NCOA1: variants seen among roughly 807,000 people sequenced by gnomAD.
The protein encoded by NCOA1 is Hin-2 protein.
In NCOA1, 35 loss-of-function variants were observed where a neutral mutation model predicts 150.9. The observed-to-expected ratio is 0.23, with a 90% CI of 0.18 to 0.31. NCOA1 has a LOEUF of 0.31. Among genes scored for constraint, NCOA1 ranks in the 10% least tolerant of loss-of-function variants. NCOA1 has a pLI of 1.00. For synonymous variants in NCOA1, 590 were observed against 630.0 expected (o/e 0.94, Z 0.95); for missense variants, 1,491 against 1,749.3 (o/e 0.85, Z 2.63).
At chr2:24,561,047 G>A (rs1666274258) in intron 1 of NCOA1, among the ~76,000 whole-genome samples, 1 of 152,114 alleles carries the variant, frequency 6.6e-6, no homozygotes, top group African/African-American at 2.4e-5. Context: ...AGCTGTAAAA[G>A]CAATAAAGAA....
intron 15 of NCOA1, among the ~76,000 whole-genome samples, chr2:24,728,046 T>A (rs1662790515): frequency 6.6e-6 from 1 of 152,216 alleles, no homozygotes; most frequent in Non-Finnish European, 1.5e-5. Flanking sequence ...TTTGGTTAAT[T>A]TTCCAGGCTA....
chr2:24,740,588 G>A (rs1386543504), intron 18 of NCOA1, among the ~76,000 whole-genome samples: 3 of 152,204 alleles, frequency 2.0e-5, no homozygotes, highest in Admixed American at 6.5e-5. Flanking sequence ...TTACTAAAAT[G>A]TCTTATTGCT....
At chr2:24,610,124 C>CTTTTTTTTTTTTTTTT (rs775178797) in intron 3 of NCOA1, among the ~76,000 whole-genome samples, 2 of 90,212 alleles carry the variant, frequency 2.2e-5, no homozygotes, top group African/African-American at 8.6e-5. Context: ...AGGCTGCATT[C>CTTTTTTTTTTTTTTTT]TTTTTTTTTT....
chr2:24,709,486 T>A (rs1276469905), intron 13 of NCOA1, among the ~76,000 whole-genome samples: 1 of 152,242 alleles, frequency 6.6e-6, no homozygotes, highest in East Asian at 1.9e-4. Flanking sequence ...CCTAGTCTAG[T>A]CTCGTGACCA....
At chr2:24,698,802 T>A (rs1312033704) in intron 11 of NCOA1, among the ~76,000 whole-genome samples, 1 of 152,214 alleles carries the variant, frequency 6.6e-6, no homozygotes, top group Non-Finnish European at 1.5e-5. Context: ...TTCCTAAGTT[T>A]ACGGATGATT....
chr2:24,521,911 G>A (rs1042745450), intron 1 of NCOA1, among the ~76,000 whole-genome samples: 3 of 151,790 alleles, frequency 2.0e-5, no homozygotes, highest in Non-Finnish European at 2.9e-5. Flanking sequence ...TTTCTTTTTG[G>A]TAATTGCCAT....
rs369987098 is a variant in NCOA1 at position 24,756,071 on chromosome 2, T to TAAA, written c.3882-1881_3882-1879dup. Among the ~76,000 whole-genome samples, 9 of 108,188 alleles carry TAAA rather than the reference T, an allele frequency of 8.3e-5. 1 individual carries two copies. The highest frequency in any genetic ancestry group is 1.2e-4 in the African/African-American group (3 of 25,902). The allele number at this position is 108,188 out of a possible 152,430, so 71.0% of individuals were successfully genotyped here. On this transcript the variant is annotated intron_variant, in intron 20 of 22. Coordinates refer to ENST00000348332, the MANE Select transcript of NCOA1 (RefSeq NM_003743.5). ...CAACATGGCAAAACCCCATCTCTAC[T>TAAA]AAAAAAAAAAAAAAAAAAAAAAAGA...
intron 14 of NCOA1, among the ~76,000 whole-genome samples, chr2:24,719,915 G>GA (rs1365565209): frequency 6.6e-6 from 1 of 152,092 alleles, no homozygotes; most frequent in Non-Finnish European, 1.5e-5. Flanking sequence ...ATTAACTCCA[G>GA]AAAAAAGAAA....
intron 1 of NCOA1, among the ~76,000 whole-genome samples, chr2:24,497,220 C>T (rs1663257275): frequency 6.6e-6 from 1 of 151,772 alleles, no homozygotes. Context: ...CAATTGGCTT[C>T]TCTTCAAGCA....
At chr2:24,738,629 T>C (rs1406526705) in intron 17 of NCOA1, among the ~76,000 whole-genome samples, 1 of 152,204 alleles carries the variant, frequency 6.6e-6, no homozygotes, top group African/African-American at 2.4e-5. Flanking sequence ...AGTATATCCC[T>C]TCTTGGCGAT....
intron 3 of NCOA1, among the ~76,000 whole-genome samples, chr2:24,627,121 G>GTTTTTT (rs33949925): frequency 1.0e-4 from 12 of 115,156 alleles, no homozygotes; most frequent in African/African-American, 1.7e-4. Flanking sequence ...GTTTTTTGCT[G>GTTTTTT]TTTTTTTTTT....
intron 1 of NCOA1, among the ~76,000 whole-genome samples, chr2:24,535,424 T>C (rs1257332210): frequency 6.6e-6 from 1 of 152,234 alleles, no homozygotes; most frequent in Non-Finnish European, 1.5e-5. Context: ...CTGTGTCTTT[T>C]AATTGGGGCA....
chr2:24,667,206 G>T (rs1044176628), intron 6 of NCOA1, among the ~76,000 whole-genome samples: 3 of 152,132 alleles, frequency 2.0e-5, no homozygotes, highest in Non-Finnish European at 4.4e-5. Flanking sequence ...CTGTAAAACT[G>T]CAGAGAGGAG....
intron 7 of NCOA1, among the ~76,000 whole-genome samples, chr2:24,677,465 C>T (rs192474931): frequency 1.1e-4 from 16 of 152,172 alleles, no homozygotes; most frequent in Middle Eastern, 3.4e-3. Flanking sequence ...GGTCTGTCAC[C>T]CAGGCTGGAA....
At position 24,564,394 on chromosome 2, in the gene NCOA1, G is replaced by A. The variant is rs1464390053; in HGVS notation, c.-296G>A. On this transcript the variant is annotated 5_prime_UTR_variant, in exon 2 of 23. Transcript: ENST00000348332. Reference sequence around the variant, plus strand: ...GCAGTAGGCAACTTTGCTTCCAAAAGAAGTTACCAACATTTAGAATTTCTA... The same window carrying A: ...GCAGTAGGCAACTTTGCTTCCAAAAAAAGTTACCAACATTTAGAATTTCTA... 2.0e-5 allele frequency: 3 copies of A among 152,192 alleles called. No individual in the cohort carries two copies. Among genetic ancestry groups the A allele is most frequent in the East Asian group, 3.9e-4 (2 of 5,194 alleles). 9.4% of individuals were successfully genotyped at this position (152,192 alleles called of 1,614,324 possible). A position where few individuals can be genotyped will look rare whatever the true frequency, so the allele number is the denominator to read the frequency against.
rs907109443 is a variant in NCOA1, at chr2:24,729,541, A to G, written c.2927A>G (p.Gln976Arg). The G allele has an allele frequency of 8.1e-6, 13 of 1,614,020 alleles. No homozygotes were observed. Among genetic ancestry groups the G allele is most frequent in the Non-Finnish European group, 1.1e-5 (13 of 1,179,996 alleles). Residue 976 changes from glutamine to arginine, a missense_variant, in exon 17 of 23, where the codon CAA (glutamine) becomes CGA (arginine). Physicochemically the swap from Gln to Arg is conservative, Grantham distance 43. Around this residue, in one of 8 missense-constraint regions of NCOA1, gnomAD observed 485 missense variants for 522.8 expected, o/e 0.93. Transcript: ENST00000348332. ...LDVLSERFPPQQATPPLIMEE... is the reference protein window; with the variant it reads ...LDVLSERFPPRQATPPLIMEE... Reference sequence around the variant, plus strand: ...GTATTATCAGAGAGATTTCCACCACAACAAGCAACGCCACCTTTGATCATG... The same window carrying G: ...GTATTATCAGAGAGATTTCCACCACGACAAGCAACGCCACCTTTGATCATG...
intron 7 of NCOA1, among the ~76,000 whole-genome samples, chr2:24,682,032 G>C (rs942695032): frequency 6.6e-6 from 1 of 152,078 alleles, no homozygotes; most frequent in African/African-American, 2.4e-5. Flanking sequence ...TTTTTTAAAA[G>C]GAAAAATGAG....
At chr2:24,699,692 C>T (rs1355668723) in intron 11 of NCOA1, among the ~76,000 whole-genome samples, 6 of 152,150 alleles carry the variant, frequency 3.9e-5, no homozygotes, top group Non-Finnish European at 7.3e-5. Flanking sequence ...GGATTGAGCA[C>T]AGCCTTTTTT....
intron 5 of NCOA1, among the ~76,000 whole-genome samples, chr2:24,665,002 A>G (rs953251225): frequency 2.6e-5 from 4 of 152,226 alleles, no homozygotes; most frequent in Admixed American, 2.6e-4. Context: ...ACTGGAAGGC[A>G]AAAATGAATC....
Sources: gnomAD v4.1 joint callset for allele counts (sites outside exome capture counted in the v4.1 genomes callset) on GRCh38, gnomAD v4.1.1 for gene constraint, gnomAD v4.1.1 regional missense constraint, MANE v1.5 for transcripts, NCBI Gene and HGNC (gene_info 2026-07-23, HGNC 2026-07-21) for gene names.